Variants in CDH15 observed in about 807,000 individuals in gnomAD.
CDH15 encodes cadherin-15.
Under a neutral mutation model 69.4 loss-of-function variants are expected in CDH15, and 73 were observed. The ratio of observed to expected loss-of-function variants is 1.05; its 90% CI spans 0.87 to 1.28. The LOEUF (loss-of-function observed/expected upper bound fraction) is 1.28. Ranked by LOEUF, CDH15 falls within the 50% of genes most tolerant of loss-of-function variation. The probability of loss-of-function intolerance (pLI) is 0.00; values close to 1 mark genes in which losing one functional copy is unlikely to be tolerated. For synonymous variants in CDH15, 624 were observed against 507.7 expected (o/e 1.23, Z -3.08); for missense variants, 1,343 against 1,133.6 (o/e 1.18, Z -2.65).
At chr16:89,175,356 C>T (rs1915236361) in intron 1 of CDH15, among the ~76,000 whole-genome samples, 1 of 152,218 alleles carries the variant, frequency 6.6e-6, no homozygotes, top group South Asian at 2.1e-4. Flanking sequence ...GCCCCATGCC[C>T]ATGCCTAGCC....
rs577398315 is a variant in CDH15, at chr16:89,173,381, G to A, written c.42+1508G>A. On this transcript the variant is annotated intron_variant, in intron 1 of 13. Coordinates refer to ENST00000289746, the MANE Select transcript of CDH15 (RefSeq NM_004933.3). ...TCTGCCTTTCAAAAGGCCCCAGGGGGCTCTGTGGCAGGTGGGGAGGCAGGC... is the reference window on the plus strand; with the variant it reads ...TCTGCCTTTCAAAAGGCCCCAGGGGACTCTGTGGCAGGTGGGGAGGCAGGC... Among the ~76,000 whole-genome samples the A allele has an allele frequency of 1.8e-4, 28 of 152,280 alleles. No individual in the cohort carries two copies. In the South Asian group the frequency reaches 2.7e-3, roughly 15 times the overall value.
Position 89,191,902 on chromosome 16 carries a change from C to G in CDH15, c.1615+8C>G. 6.5e-7 allele frequency: 1 copy of G among 1,544,308 alleles called. No individual in the cohort carries two copies. The highest frequency in any genetic ancestry group is 2.4e-5 in the East Asian group (1 of 41,934). The stretch of plus-strand genomic sequence containing the variant: ...GCCTCAGCCAGGTCAACGGTGCGCT[C>G]CCCTCACCGCCGCGCTCCCCCCATC... On this transcript the variant is annotated splice_region_variant and intron_variant, in intron 10 of 13. Coordinates refer to ENST00000289746, the MANE Select transcript of CDH15 (RefSeq NM_004933.3).
intron 11 of CDH15, 145 bp downstream of exon 11, chr16:89,192,589 C>T (rs1915677649): frequency 1.5e-5 from 9 of 582,798 alleles, no homozygotes; most frequent in Non-Finnish European, 2.1e-5. Flanking sequence ...CACGCCGCTT[C>T]CTCCCCAGCT....
At chr16:89,177,300 G>A (rs1915278448) in intron 1 of CDH15, among the ~76,000 whole-genome samples, 1 of 152,176 alleles carries the variant, frequency 6.6e-6, no homozygotes, top group Non-Finnish European at 1.5e-5. Context: ...TGTGGGGCTG[G>A]GTGCTGGCCA....
chr16:89,180,068 A>C, intron 2 of CDH15, 132 bp from the exon 3 acceptor site: 4 of 987,020 alleles, frequency 4.1e-6, no homozygotes, highest in Non-Finnish European at 6.1e-6. Context: ...ATTGGGTACC[A>C]GGATCCGTCC....
Position 89,192,453 on chromosome 16 carries a change from G to T in CDH15, c.1855+9G>T. 6.4e-7 allele frequency: 1 copy of T among 1,561,838 alleles called. No homozygotes were observed. Among genetic ancestry groups the T allele is most frequent in the Non-Finnish European group, 8.6e-7 (1 of 1,161,532 alleles). ...CGCCCTCCTGCTGCTGGGTGAGTGA[G>T]CGCCCCGCCTCCACCTGGACCCTCG... On this transcript the variant is annotated intron_variant, in intron 11 of 13. Transcript: ENST00000289746.
chr16:89,187,733 G>A (rs1333866579), intron 6 of CDH15, among the ~76,000 whole-genome samples, 176 bp downstream of exon 6: 1 of 152,220 alleles, frequency 6.6e-6, no homozygotes, highest in Non-Finnish European at 1.5e-5. Context: ...GGTGCTGCGT[G>A]GCAGTGTGTG....
At chr16:89,185,632 G>A (rs1915467477) in intron 5 of CDH15, 1 of 495,000 alleles carries the variant, frequency 2.0e-6, no homozygotes, top group East Asian at 3.7e-5. Context: ...GCTCCCCGCT[G>A]GTAAGTAACT....
Position 89,179,586 on chromosome 16 carries a change from G to A in CDH15, c.201+12G>A, listed in dbSNP as rs141555326. On this transcript the variant is annotated intron_variant, in intron 2 of 13. Coordinates refer to ENST00000289746, the MANE Select transcript of CDH15 (RefSeq NM_004933.3). ...ACCCCCTGGTTCAGGTGAGCAGGTG[G>A]AGGGGGCAGGAGGGGAGAAAGGGGT... 12 of 1,560,388 alleles carry A rather than the reference G, an allele frequency of 7.7e-6. No individual in the cohort carries two copies. Among genetic ancestry groups the A allele is most frequent in the East Asian group, 2.3e-5 (1 of 44,288 alleles).
At position 89,195,096 on chromosome 16, in the gene CDH15, G is replaced by A; in HGVS notation, c.2386G>A (p.Ala796Thr). Reference protein sequence around the residue: ...LEYGARWDHQAREGLSPGALL... With the variant: ...LEYGARWDHQTREGLSPGALL... The stretch of plus-strand genomic sequence containing the variant: ...GTACGGGGCCAGATGGGACCACCAG[G>A]CCAGGGAGGGTCTTTCTCCTGGGGC... Residue 796 changes from alanine (A) to threonine (T), a missense_variant, in exon 14 of 14, where the codon GCC (alanine) becomes ACC (threonine). Physicochemically the swap from Ala to Thr is moderately conservative, Grantham distance 58. Coordinates refer to ENST00000289746, the MANE Select transcript of CDH15 (RefSeq NM_004933.3). The A allele has an allele frequency of 1.9e-6, 3 of 1,610,086 alleles. No homozygotes were observed. The highest frequency in any genetic ancestry group is 2.5e-6 in the Non-Finnish European group (3 of 1,178,152).
chr16:89,192,280 CG>C lies in CDH15; in HGVS notation c.1695del (p.Gln566SerfsTer10). Reference sequence around the variant, plus strand: ...CGCCTCAGCCTGCTGCTCCGGGACTCGGGGCAGCCGCCCCAGCAGCGCGAGC... The same window carrying C: ...CGCCTCAGCCTGCTGCTCCGGGACTCGGGCAGCCGCCCCAGCAGCGCGAGC... ...LHRLSLLLRD[S>X]GQPPQQREQP... On this transcript the variant is annotated frameshift_variant, in exon 11 of 14. Transcript: ENST00000289746. LOFTEE classifies it high-confidence loss of function. The C allele has an allele frequency of 6.5e-7, 1 of 1,531,322 alleles. No individual in the cohort carries two copies. The allele number at this position is 1,531,322 out of a possible 1,614,324, so 94.9% of individuals were successfully genotyped here.
At chr16:89,181,202 G>A (rs75132358) in intron 3 of CDH15, among the ~76,000 whole-genome samples, 5,352 of 152,180 alleles carry the variant, frequency 0.035, 282 homozygotes, top group African/African-American at 0.12. Context: ...GATTACAGGC[G>A]TGAGCCACCA....
rs144462719 is a variant in CDH15 at position 89,172,416 on chromosome 16, G to T, written c.42+543G>T. On this transcript the variant is annotated intron_variant, in intron 1 of 13. Coordinates refer to ENST00000289746, the MANE Select transcript of CDH15 (RefSeq NM_004933.3). The stretch of plus-strand genomic sequence containing the variant: ...CTCACGGCTACTTCTCGATTGGGAG[G>T]GCCCAGCCCGAGCCAGGTCGCAACA... Among the ~76,000 whole-genome samples the T allele has an allele frequency of 6.9e-3, 1,056 of 152,276 alleles. 13 individuals are homozygous for T. Among genetic ancestry groups the T allele is most frequent in the African/African-American group, 0.025 (1,023 of 41,546 alleles).
In CDH15 at chr16:89,195,181, C is replaced by T. The variant is rs1222991265; in HGVS notation, c.*26C>T. 2 of 1,547,410 alleles carry T rather than the reference C, an allele frequency of 1.3e-6. No homozygotes were observed. The highest frequency in any genetic ancestry group is 1.8e-5 in the Admixed American group (1 of 56,230). ...CCCTGGGGCGCAACTGGACATGCCA[C>T]TCCCCGGCCTCGTGGCAGTGATGGC... On this transcript the variant is annotated 3_prime_UTR_variant, in exon 14 of 14. Coordinates refer to ENST00000289746, the MANE Select transcript of CDH15 (RefSeq NM_004933.3).
chr16:89,188,006 G>C, intron 6 of CDH15, 94 bp from the exon 7 acceptor site: 1 of 843,902 alleles, frequency 1.2e-6, no homozygotes, highest in South Asian at 1.4e-5. Flanking sequence ...CAGGAGGGAG[G>C]GTGGGAGGGG....
rs766249490 is a variant in CDH15, at chr16:89,190,226, G to A, written c.979-17G>A. ...ACTTGCGTTGGGCGGATGACGGGCT[G>A]TGCTTCCTTCCCTCAGGCCCTGGAC... On this transcript the variant is annotated splice_polypyrimidine_tract_variant and intron_variant, in intron 7 of 13. Coordinates refer to ENST00000289746, the MANE Select transcript of CDH15 (RefSeq NM_004933.3). 6.2e-7 allele frequency: 1 copy of A among 1,610,534 alleles called. No homozygotes were observed. The highest frequency in any genetic ancestry group is 8.5e-7 in the Non-Finnish European group (1 of 1,179,070).
chr16:89,172,127 C>T (rs1001573872), intron 1 of CDH15, among the ~76,000 whole-genome samples: 69 of 152,212 alleles, frequency 4.5e-4, no homozygotes, highest in African/African-American at 1.6e-3. Context: ...GGGTCAGGGA[C>T]CCCAGGCAGG....
chr16:89,176,517 T>C (rs1915259314), intron 1 of CDH15, among the ~76,000 whole-genome samples: 3 of 151,964 alleles, frequency 2.0e-5, no homozygotes, highest in Admixed American at 1.3e-4. Context: ...AGGGTCCCGC[T>C]CACCAGGGCC....
rs748656690 is a variant in CDH15 at position 89,188,248 on chromosome 16, A to G, written c.941A>G (p.Asp314Gly). ...GATGGGCAGTTCACCATCCGCACGG[A>G]CCCCAAGACCAACGAGGGTGTTCTG... ...DPDGQFTIRTDPKTNEGVLSI... is the reference protein window; with the variant it reads ...DPDGQFTIRTGPKTNEGVLSI... Residue 314 changes from aspartate (D) to glycine (G), a missense_variant, in exon 7 of 14, where the codon GAC (aspartate) becomes GGC (glycine). Coordinates refer to ENST00000289746, the MANE Select transcript of CDH15 (RefSeq NM_004933.3). 1.9e-6 allele frequency: 3 copies of G among 1,613,484 alleles called. No homozygotes were observed. Among genetic ancestry groups the G allele is most frequent in the Non-Finnish European group, 8.5e-7 (1 of 1,179,948 alleles).
Sources: gnomAD v4.1 joint callset for allele counts (sites outside exome capture counted in the v4.1 genomes callset) on GRCh38, gnomAD v4.1.1 for gene constraint, MANE v1.5 for transcripts, NCBI Gene and HGNC (gene_info 2026-07-23, HGNC 2026-07-21) for gene names.